The following COL23A1 variants were observed in gnomAD, a reference collection of about 807,000 sequenced individuals.
COL23A1 encodes collagen type XXIII alpha 1 chain, also known as collagen alpha-1(XXIII) chain.
Under a neutral mutation model 99.3 loss-of-function variants are expected in COL23A1, and 97 were observed. That is an observed-to-expected ratio of 0.98 (90% confidence interval 0.83 to 1.16). The LOEUF (loss-of-function observed/expected upper bound fraction) is 1.16. COL23A1 is among the 50% of genes most tolerant of loss of function. The pLI, the probability that COL23A1 is intolerant of heterozygous loss-of-function variation, is 0.00. For synonymous variants in COL23A1, 320 were observed against 308.2 expected (o/e 1.04, Z -0.40); for missense variants, 762 against 757.4 (o/e 1.01, Z -0.07).
intron 3 of COL23A1, among the ~76,000 whole-genome samples, chr5:178,304,279 C>T (rs2973796): frequency 0.66 from 100,241 of 151,886 alleles, 33,783 homozygotes; most frequent in Non-Finnish European, 0.71. Context: ...GAGGCCAAGG[C>T]GGGCGGATCA....
In COL23A1 at chr5:178,468,713, T is replaced by C. The variant is rs144106165; in HGVS notation, c.361+91969A>G. ...GGCACAGGACCCCACATTTAATTTA[T>C]AAATTCCCAACTTTTCAAATTAAAA... On this transcript the variant is annotated intron_variant, in intron 2 of 28. Coordinates refer to ENST00000390654, the MANE Select transcript of COL23A1 (RefSeq NM_173465.4). This position sits in a 1 kb window ranked among gnomAD's most constrained non-coding sequence, Gnocchi z 4.2. 6.5e-3 allele frequency among the ~76,000 whole-genome samples: 988 copies of C among 152,288 alleles called. 13 individuals are homozygous for C. Among genetic ancestry groups the C allele is most frequent in the African/African-American group, 0.02 (842 of 41,546 alleles).
At chr5:178,504,708 G>A (rs979504752) in intron 2 of COL23A1, among the ~76,000 whole-genome samples, 2 of 152,218 alleles carry the variant, frequency 1.3e-5, no homozygotes, top group African/African-American at 4.8e-5. Flanking sequence ...GGCGAAGTGC[G>A]CTGGCCAACA....
chr5:178,355,006 G>T (rs1264891818), intron 2 of COL23A1, among the ~76,000 whole-genome samples: 44 of 151,456 alleles, frequency 2.9e-4, no homozygotes, highest in African/African-American at 1.0e-3. Flanking sequence ...TGCAGTGAGT[G>T]GAGATCATAG....
At chr5:178,407,678 AGAAAT>A (rs1401673666) in intron 2 of COL23A1, among the ~76,000 whole-genome samples, 1 of 152,266 alleles carries the variant, frequency 6.6e-6, no homozygotes, top group East Asian at 1.9e-4. Flanking sequence ...GAAAAACACA[AGAAAT>A]GACATGAAAA....
At position 178,302,419 on chromosome 5, in the gene COL23A1, T is replaced by C. The variant is rs371010734; in HGVS notation, c.406+4456A>G. On this transcript the variant is annotated intron_variant, in intron 3 of 28. Coordinates refer to ENST00000390654, the MANE Select transcript of COL23A1 (RefSeq NM_173465.4). ...AGCACGGCTTCAATCCACCTGTGTG[T>C]GCGCCGGAGCACGGCTTCAATCCAC... 1.8e-4 allele frequency among the ~76,000 whole-genome samples: 19 copies of C among 108,104 alleles called. No homozygotes were observed. The East Asian group carries it at 4.1e-3, about 23-fold the overall frequency. The allele number at this position is 108,104 out of a possible 152,430, so 70.9% of individuals were successfully genotyped here.
At chr5:178,322,936 T>C (rs1022140192) in intron 2 of COL23A1, among the ~76,000 whole-genome samples, 4 of 152,212 alleles carry the variant, frequency 2.6e-5, no homozygotes, top group African/African-American at 9.6e-5. Context: ...ATGCTGTCCC[T>C]GGCAGCTCAG....
At chr5:178,463,879 C>G (rs564991272) in intron 2 of COL23A1, among the ~76,000 whole-genome samples, 14 of 152,312 alleles carry the variant, frequency 9.2e-5, no homozygotes, top group Admixed American at 8.5e-4. Context: ...ACCAGGAGGC[C>G]TGCTGCTCTT....
chr5:178,278,999 C>T (rs146484523), intron 5 of COL23A1, among the ~76,000 whole-genome samples: 3 of 152,162 alleles, frequency 2.0e-5, no homozygotes, highest in Non-Finnish European at 2.9e-5. Context: ...GACCACAGAC[C>T]GGCCAGGCAG....
At chr5:178,574,867 C>G (rs1033269307) in intron 1 of COL23A1, among the ~76,000 whole-genome samples, 3 of 152,230 alleles carry the variant, frequency 2.0e-5, no homozygotes, top group Admixed American at 6.5e-5. Flanking sequence ...CTCCAGCACT[C>G]CTGCTCAATA....
chr5:178,582,302 C>T (rs180844344), intron 1 of COL23A1, among the ~76,000 whole-genome samples: 1 of 151,688 alleles, frequency 6.6e-6, no homozygotes, highest in Non-Finnish European at 1.5e-5. Context: ...AAGGAGGCAG[C>T]CACAGCTCAG....
chr5:178,574,699 T>G (rs1763264507), intron 1 of COL23A1, among the ~76,000 whole-genome samples: 1 of 152,214 alleles, frequency 6.6e-6, no homozygotes, highest in African/African-American at 2.4e-5. Context: ...TTCTGTTTCT[T>G]GCGGCAACCG....
chr5:178,288,348 C>A lies in COL23A1; in HGVS notation c.417G>T (p.Gly139=). Residue 139 remains glycine, a splice_region_variant and synonymous_variant, in exon 5 of 29, where the codon GGG becomes GGT. Coordinates refer to ENST00000390654, the MANE Select transcript of COL23A1 (RefSeq NM_173465.4). ...CCGGGTAGCCATCTCGTCCTGATTG[C>A]CCCTGTGGTAATTAATATGTCATTA... ...PGRRGDPGPP[G]QSGRDGYPGP... 6.2e-7 allele frequency: 1 copy of A among 1,611,742 alleles called. No individual in the cohort carries two copies. The highest frequency in any genetic ancestry group is 8.5e-7 in the Non-Finnish European group (1 of 1,177,710).
In COL23A1 at chr5:178,357,940, ATGTG is replaced by A. The variant is rs1213947155; in HGVS notation, c.362-51025_362-51022del. On this transcript the variant is annotated intron_variant, in intron 2 of 28. Coordinates refer to ENST00000390654, the MANE Select transcript of COL23A1 (RefSeq NM_173465.4). ...TATGTGTATGTGTGTATGTGTATGT[ATGTG>A]TGTGTATGTATATGTGTGTATGTGT... Among the ~76,000 whole-genome samples the A allele has an allele frequency of 5.0e-3, 665 of 133,110 alleles. 9 individuals are homozygous for A. The highest frequency in any genetic ancestry group is 6.5e-3 in the Non-Finnish European group (412 of 63,046). 87.3% of individuals were successfully genotyped at this position (133,110 alleles called of 152,430 possible).
chr5:178,297,194 G>A (rs1043240462), intron 3 of COL23A1, among the ~76,000 whole-genome samples: 1 of 152,240 alleles, frequency 6.6e-6, no homozygotes, highest in Non-Finnish European at 1.5e-5. Context: ...CCACTGCCTT[G>A]GACAAACCTT....
intron 5 of COL23A1, among the ~76,000 whole-genome samples, chr5:178,272,602 T>C (rs999788409): frequency 1.3e-5 from 2 of 152,044 alleles, no homozygotes; most frequent in African/African-American, 2.4e-5. Flanking sequence ...CAGGCATAGT[T>C]CTAGTCCTTG....
chr5:178,416,560 T>C (rs1765323240), intron 2 of COL23A1, among the ~76,000 whole-genome samples: 1 of 152,210 alleles, frequency 6.6e-6, no homozygotes, highest in Non-Finnish European at 1.5e-5. Context: ...TCCACAGGTA[T>C]TCAGCAGACA....
At chr5:178,534,451 T>G (rs568658622) in intron 2 of COL23A1, among the ~76,000 whole-genome samples, 68 of 152,268 alleles carry the variant, frequency 4.5e-4, no homozygotes, top group African/African-American at 1.5e-3. Flanking sequence ...GAGGGGGCAC[T>G]GGGCTCAGCC....
intron 15 of COL23A1, 61 bp downstream of exon 15, chr5:178,256,292 C>T: frequency 1.5e-6 from 2 of 1,316,150 alleles, no homozygotes; most frequent in Non-Finnish European, 2.0e-6. Context: ...ACAGGGGCTT[C>T]TGAAGCTATG....
At position 178,242,032 on chromosome 5, in the gene COL23A1, C is replaced by T. The variant is rs376309267; in HGVS notation, c.1581+10G>A. ...AAAGACCTGGGGCAGGGCCCTCCTCCGACACCTACCACGGGACACGGCTGG... is the reference window on the plus strand; with the variant it reads ...AAAGACCTGGGGCAGGGCCCTCCTCTGACACCTACCACGGGACACGGCTGG... On this transcript the variant is annotated intron_variant, in intron 27 of 28. Coordinates refer to ENST00000390654, the MANE Select transcript of COL23A1 (RefSeq NM_173465.4). 247 of 1,551,118 alleles carry T rather than the reference C, an allele frequency of 1.6e-4. No individual in the cohort carries two copies. The highest frequency in any genetic ancestry group is 1.7e-4 in the Middle Eastern group (1 of 6,008).
Sources: gnomAD v4.1 joint callset for allele counts (sites outside exome capture counted in the v4.1 genomes callset) on GRCh38, gnomAD v4.1.1 for gene constraint, Gnocchi (gnomAD v3.1) non-coding constraint, MANE v1.5 for transcripts, NCBI Gene and HGNC (gene_info 2026-07-23, HGNC 2026-07-21) for gene names.